The following KIAA1958 variants were observed in gnomAD, a reference collection of about 807,000 sequenced individuals.
KIAA1958 encodes the protein uncharacterized protein KIAA1958.
In KIAA1958, 14 loss-of-function variants were observed where a neutral mutation model predicts 47.2. The observed-to-expected ratio is 0.30, with a 90% CI of 0.20 to 0.46. KIAA1958 has a LOEUF of 0.46. Ranked by LOEUF, KIAA1958 falls within the 20% of genes least tolerant of loss-of-function variation. The probability of loss-of-function intolerance (pLI) is 1.00; values close to 1 mark genes in which losing one functional copy is unlikely to be tolerated. For missense variants in KIAA1958, 803 were observed against 909.2 expected (o/e 0.88, Z 1.50); for synonymous variants, 354 against 353.3 (o/e 1.00, Z -0.02).
chr9:112,513,254 C>T (rs1433756154), intron 1 of KIAA1958, among the ~76,000 whole-genome samples: 1 of 129,184 alleles, frequency 7.7e-6, no homozygotes, highest in Non-Finnish European at 1.6e-5. Flanking sequence ...ATCCACCCAC[C>T]TCAGCCTCCT....
At chr9:112,644,120 G>T (rs1459990078) in intron 2 of KIAA1958, among the ~76,000 whole-genome samples, 1 of 152,098 alleles carries the variant, frequency 6.6e-6, no homozygotes, top group African/African-American at 2.4e-5. Flanking sequence ...GGAGGTTGCA[G>T]TGAGCCAAGA....
chr9:112,638,547 A>T (rs1836845018), intron 2 of KIAA1958, among the ~76,000 whole-genome samples: 1 of 151,970 alleles, frequency 6.6e-6, no homozygotes, highest in South Asian at 2.1e-4. Context: ...TTTGACTTAG[A>T]TTGTCAGCAT....
intron 2 of KIAA1958, among the ~76,000 whole-genome samples, chr9:112,613,003 AG>A (rs1262154463): frequency 1.3e-5 from 2 of 152,348 alleles, no homozygotes; most frequent in East Asian, 3.9e-4. Flanking sequence ...TAAGAAGCAG[AG>A]TATAGAATAG....
At position 112,570,939 on chromosome 9, in the gene KIAA1958, G is replaced by GT. The variant is rs1835522767; in HGVS notation, c.-24-3117dup. Among the ~76,000 whole-genome samples, 3 of 152,188 alleles carry GT rather than the reference G, an allele frequency of 2.0e-5. No individual in the cohort carries two copies. The South Asian group carries it at 6.2e-4, about 32-fold the overall frequency. On this transcript the variant is annotated intron_variant, in intron 1 of 3. Transcript: ENST00000337530. Reference sequence around the variant, plus strand: ...AGGCCGGGACCTGGGAACTGCTGGCGTAAGTCCCAGAGTCCAAAGGCTGGA... The same window carrying GT: ...AGGCCGGGACCTGGGAACTGCTGGCGTTAAGTCCCAGAGTCCAAAGGCTGGA...
chr9:112,584,243 A>G (rs1303922048), intron 2 of KIAA1958, among the ~76,000 whole-genome samples: 4 of 152,208 alleles, frequency 2.6e-5, no homozygotes, highest in Non-Finnish European at 5.9e-5. Context: ...TAGTTTTCTC[A>G]TCTGTAAGAT....
chr9:112,505,017 C>G (rs1834209133), intron 1 of KIAA1958, among the ~76,000 whole-genome samples: 1 of 152,100 alleles, frequency 6.6e-6, no homozygotes, highest in Non-Finnish European at 1.5e-5. Flanking sequence ...CCCTTTAAAT[C>G]GGTTATCTTC....
chr9:112,580,963 CG>C (rs1835725084), intron 2 of KIAA1958, among the ~76,000 whole-genome samples: 1 of 152,220 alleles, frequency 6.6e-6, no homozygotes, highest in African/African-American at 2.4e-5. Context: ...TATCACAAAC[CG>C]GGTACACATC....
At chr9:112,570,454 A>G (rs1835512652) in intron 1 of KIAA1958, among the ~76,000 whole-genome samples, 1 of 152,212 alleles carries the variant, frequency 6.6e-6, no homozygotes, top group African/African-American at 2.4e-5. Context: ...TTTTGTAAGT[A>G]TATGCTATCC....
chr9:112,501,717 T>C (rs139700813), intron 1 of KIAA1958, among the ~76,000 whole-genome samples: 16 of 152,150 alleles, frequency 1.1e-4, no homozygotes, highest in Non-Finnish European at 1.8e-4. Context: ...GAGCCAAGAT[T>C]CGAAACCCTA....
intron 1 of KIAA1958, among the ~76,000 whole-genome samples, chr9:112,507,632 G>A (rs943939407): frequency 6.6e-6 from 1 of 152,160 alleles, no homozygotes; most frequent in African/African-American, 2.4e-5. Flanking sequence ...TACAGGCCCT[G>A]AGCGACTCAC....
At chr9:112,597,307 A>G (rs572873031) in intron 2 of KIAA1958, among the ~76,000 whole-genome samples, 4 of 152,330 alleles carry the variant, frequency 2.6e-5, no homozygotes, top group African/African-American at 9.6e-5. Flanking sequence ...ATGTTAACTC[A>G]GTTCTCACAA....
intron 2 of KIAA1958, among the ~76,000 whole-genome samples, chr9:112,600,976 C>T (rs945864269): frequency 6.6e-6 from 1 of 152,190 alleles, no homozygotes; most frequent in Admixed American, 6.5e-5. Flanking sequence ...TAGTTTACAG[C>T]ACTTTCACAG....
rs1434032432 is a variant in KIAA1958, at chr9:112,665,032, T to C, written c.*4963T>C. On this transcript the variant is annotated 3_prime_UTR_variant, in exon 4 of 4. Transcript: ENST00000337530. ...ATCTGATTGTTGCGCTCAATTAAAGTGCTTATTATTTAGCTAAAACAACTT... is the reference window on the plus strand; with the variant it reads ...ATCTGATTGTTGCGCTCAATTAAAGCGCTTATTATTTAGCTAAAACAACTT... 1 of 125,192 alleles carries C rather than the reference T, an allele frequency of 8.0e-6. No individual in the cohort carries two copies. The highest frequency in any genetic ancestry group is 1.7e-5 in the Non-Finnish European group (1 of 60,124). 7.8% of individuals were successfully genotyped at this position (125,192 alleles called of 1,614,324 possible). A position where few individuals can be genotyped will look rare whatever the true frequency, so the allele number is the denominator to read the frequency against.
intron 1 of KIAA1958, among the ~76,000 whole-genome samples, chr9:112,530,808 T>C (rs968077770): frequency 6.6e-6 from 1 of 152,136 alleles, no homozygotes; most frequent in African/African-American, 2.4e-5. Context: ...TTGCTTAGTC[T>C]AAAAAAAGGA....
intron 2 of KIAA1958, among the ~76,000 whole-genome samples, chr9:112,630,005 G>C (rs907013908): frequency 1.3e-5 from 2 of 152,190 alleles, no homozygotes; most frequent in Non-Finnish European, 2.9e-5. Flanking sequence ...TGTTGACCTG[G>C]ACATTGTGCA....
Position 112,659,725 on chromosome 9 carries a change from C to T in KIAA1958, c.1807C>T (p.Arg603Trp), listed in dbSNP as rs143507007. 1.1e-5 allele frequency: 17 copies of T among 1,614,022 alleles called. No homozygotes were observed. The highest frequency in any genetic ancestry group is 6.7e-5 in the Admixed American group (4 of 59,992). ...PYFARTDSVK[R>W]ESRSGSTRVC... ...CTTTGCCCGGACGGACAGCGTCAAG[C>T]GGGAGAGTCGGAGCGGCTCCACCAG... The change falls in exon 4 of 4, where the codon CGG becomes TGG. Residue 603 changes from arginine (R) to tryptophan (W), a missense_variant. Physicochemically the swap from Arg to Trp is moderately radical, Grantham distance 101. Coordinates refer to ENST00000337530, the MANE Select transcript of KIAA1958 (RefSeq NM_133465.4).
At chr9:112,600,481 A>G (rs1450671007) in intron 2 of KIAA1958, among the ~76,000 whole-genome samples, 1 of 152,100 alleles carries the variant, frequency 6.6e-6, no homozygotes, top group African/African-American at 2.4e-5. Flanking sequence ...CTCTGATTCT[A>G]CCCTTGTTTA....
intron 1 of KIAA1958, among the ~76,000 whole-genome samples, chr9:112,536,950 G>C (rs1564163590): frequency 6.6e-6 from 1 of 151,900 alleles, no homozygotes; most frequent in Admixed American, 6.6e-5. Context: ...ACAAGAAATG[G>C]TCATCATCAA....
intron 2 of KIAA1958, among the ~76,000 whole-genome samples, chr9:112,611,530 T>TAA (rs566361135): frequency 1.1e-3 from 153 of 145,444 alleles, no homozygotes; most frequent in African/African-American, 3.7e-3. Flanking sequence ...CTTTAAGATT[T>TAA]AAAAAAAAAA....
Sources: gnomAD v4.1 joint callset for allele counts (sites outside exome capture counted in the v4.1 genomes callset) on GRCh38, gnomAD v4.1.1 for gene constraint, MANE v1.5 for transcripts, NCBI Gene and HGNC (gene_info 2026-07-23, HGNC 2026-07-21) for gene names.